The following PLEKHA5 variants were observed in gnomAD, a reference collection of about 807,000 sequenced individuals.
The protein encoded by PLEKHA5 is pleckstrin homology domain containing A5.
PLEKHA5 carries 55 observed loss-of-function variants against 181.9 expected under a neutral mutation model. The ratio of observed to expected loss-of-function variants is 0.30; its 90% confidence interval spans 0.24 to 0.38. The LOEUF (loss-of-function observed/expected upper bound fraction) is 0.38. PLEKHA5 is among the 10% of genes least tolerant of loss of function. PLEKHA5 has a pLI of 1.00. For missense variants in PLEKHA5, 1,432 were observed against 1,549.5 expected, an observed-to-expected ratio of 0.92 and a Z score of 1.27; for synonymous variants, 535 against 529.4, an observed-to-expected ratio of 1.01 and a Z score of -0.15.
chr12:19,276,791 A>G (rs1439594133), intron 11 of PLEKHA5, among the ~76,000 whole-genome samples: 1 of 152,226 alleles, frequency 6.6e-6, no homozygotes, highest in Non-Finnish European at 1.5e-5. Flanking sequence ...TGGATGGGTT[A>G]TGTGAGGTAA....
At chr12:19,308,828 A>G (rs1205294051) in intron 15 of PLEKHA5, among the ~76,000 whole-genome samples, 1 of 151,420 alleles carries the variant, frequency 6.6e-6, no homozygotes, top group Non-Finnish European at 1.5e-5. Context: ...GGGGCAGATC[A>G]CCTGAGGTAA....
intron 24 of PLEKHA5, among the ~76,000 whole-genome samples, chr12:19,347,885 T>C (rs945427230): frequency 9.4e-5 from 11 of 117,310 alleles, no homozygotes; most frequent in African/African-American, 1.1e-4. Flanking sequence ...AAATATTCTT[T>C]TTTTTTTTTT....
intron 20 of PLEKHA5, among the ~76,000 whole-genome samples, chr12:19,325,623 G>A (rs2091916484): frequency 6.6e-6 from 1 of 151,110 alleles, no homozygotes; most frequent in South Asian, 2.1e-4. Flanking sequence ...GGGAGGCGGT[G>A]GTTGCAGTGA....
chr12:19,220,830 AT>A (rs1199719149), intron 3 of PLEKHA5, among the ~76,000 whole-genome samples: 1 of 152,212 alleles, frequency 6.6e-6, no homozygotes, highest in African/African-American at 2.4e-5. Context: ...AGACAACCCA[AT>A]TAAAATATGA....
chr12:19,286,456 C>CTA (rs987699146), intron 12 of PLEKHA5, among the ~76,000 whole-genome samples: 1 of 152,000 alleles, frequency 6.6e-6, no homozygotes, highest in Non-Finnish European at 1.5e-5. Context: ...TTTTTTCCAA[C>CTA]TATATATATT....
chr12:19,189,271 A>G (rs1041066783), intron 3 of PLEKHA5, among the ~76,000 whole-genome samples: 1 of 152,210 alleles, frequency 6.6e-6, no homozygotes, highest in Non-Finnish European at 1.5e-5. Flanking sequence ...AAATGATGTG[A>G]GAATTAGAGT....
chr12:19,363,356 G>A (rs536655993), intron 29 of PLEKHA5, among the ~76,000 whole-genome samples: 1 of 151,228 alleles, frequency 6.6e-6, no homozygotes, highest in Non-Finnish European at 1.5e-5. Context: ...TTTTAGTAGA[G>A]ACGGGGTTTC....
intron 3 of PLEKHA5, among the ~76,000 whole-genome samples, chr12:19,247,037 T>C (rs1008541904): frequency 2.6e-5 from 4 of 152,172 alleles, no homozygotes; most frequent in African/African-American, 9.7e-5. Context: ...CATGAGAGAA[T>C]GTGTGCATGG....
intron 20 of PLEKHA5, among the ~76,000 whole-genome samples, chr12:19,334,299 A>G (rs1287702965): frequency 6.6e-6 from 1 of 152,218 alleles, no homozygotes; most frequent in African/African-American, 2.4e-5. Flanking sequence ...GTTCAGTGGC[A>G]GGACTCTCCA....
At chr12:19,280,537 G>T (rs1261032447) in intron 11 of PLEKHA5, among the ~76,000 whole-genome samples, 1 of 152,026 alleles carries the variant, frequency 6.6e-6, no homozygotes, top group Non-Finnish European at 1.5e-5. Flanking sequence ...TTCACAACCA[G>T]TAGGAGCCCA....
chr12:19,237,596 T>C (rs183702553), intron 3 of PLEKHA5, among the ~76,000 whole-genome samples: 4 of 152,198 alleles, frequency 2.6e-5, no homozygotes, highest in East Asian at 3.9e-4. Flanking sequence ...ATCAGTGATA[T>C]GATTCAAAGT....
chr12:19,320,473 AT>A, intron 17 of PLEKHA5, 88 bp from the exon 18 acceptor site: 2 of 616,256 alleles, frequency 3.2e-6, no homozygotes, highest in Non-Finnish European at 2.8e-6. Flanking sequence ...TGTTATATAT[AT>A]TTAATATAAA....
At chr12:19,132,289 C>T in intron 2 of PLEKHA5, 104 bp from the exon 3 acceptor site, 1 of 685,998 alleles carries the variant, frequency 1.5e-6, no homozygotes, top group Admixed American at 2.7e-5. Flanking sequence ...TAGTAATCTA[C>T]TTAATTAAAA....
intron 16 of PLEKHA5, 132 bp from the exon 17 acceptor site, chr12:19,319,889 C>A: frequency 1.9e-6 from 1 of 530,070 alleles, no homozygotes; most frequent in Non-Finnish European, 3.3e-6. Context: ...TAAATGGAGT[C>A]AACTAACACA....
chr12:19,336,482 C>T, intron 20 of PLEKHA5, 33 bp from the exon 21 acceptor site: 1 of 1,092,530 alleles, frequency 9.2e-7, no homozygotes, highest in Non-Finnish European at 1.4e-6. Flanking sequence ...GCACATTTTC[C>T]CCATTAAAGT....
intron 22 of PLEKHA5, among the ~76,000 whole-genome samples, chr12:19,344,136 G>A (rs967251942): frequency 6.6e-6 from 1 of 151,932 alleles, no homozygotes; most frequent in East Asian, 1.9e-4. Flanking sequence ...CCAAAACATT[G>A]GTATGTGGCA....
chr12:19,177,989 C>G (rs936494081), intron 3 of PLEKHA5, among the ~76,000 whole-genome samples: 1 of 152,220 alleles, frequency 6.6e-6, no homozygotes, highest in South Asian at 2.1e-4. Flanking sequence ...ATTGAGCATA[C>G]TGTTCCTTAT....
intron 3 of PLEKHA5, among the ~76,000 whole-genome samples, chr12:19,210,511 G>A (rs1196367325): frequency 1.3e-5 from 2 of 152,118 alleles, no homozygotes; most frequent in East Asian, 3.9e-4. Context: ...TGTACAGCTT[G>A]TCTGCTGTCT....
intron 3 of PLEKHA5, among the ~76,000 whole-genome samples, chr12:19,228,761 C>A (rs908788859): frequency 6.6e-6 from 1 of 152,122 alleles, no homozygotes; most frequent in African/African-American, 2.4e-5. Context: ...CCTAGACATT[C>A]TCTTTTTTTC....
Sources: allele counts gnomAD v4.1 joint callset (sites outside exome capture counted in the v4.1 genomes callset), GRCh38; gene constraint gnomAD v4.1.1; transcripts MANE v1.5; gene names NCBI Gene and HGNC (gene_info 2026-07-23, HGNC 2026-07-21).